LIMK2: variants seen among roughly 807,000 people sequenced by gnomAD.
LIMK2 encodes the protein LIM domain kinase 2.
Under a neutral mutation model 75.7 loss-of-function variants are expected in LIMK2, and 35 were observed. That is an observed-to-expected ratio of 0.46 (90% CI 0.35 to 0.61). The LOEUF (loss-of-function observed/expected upper bound fraction) is 0.61, where lower values mean the gene tolerates loss of function less well. Ranked by LOEUF, LIMK2 falls within the 20% of genes least tolerant of loss-of-function variation. The probability of loss-of-function intolerance (pLI) is 0.00; values close to 1 mark genes in which losing one functional copy is unlikely to be tolerated. For synonymous variants in LIMK2, 301 were observed against 319.2 expected (o/e 0.94, Z 0.61); for missense variants, 623 against 831.0 (o/e 0.75, Z 3.08).
At chr22:31,268,916 ATAG>A (rs1315731393) in intron 11 of LIMK2, among the ~76,000 whole-genome samples, 1 of 152,200 alleles carries the variant, frequency 6.6e-6, no homozygotes, top group African/African-American at 2.4e-5. Flanking sequence ...GTCCATGAAA[ATAG>A]TAGTAGTCTG....
chr22:31,223,434 G>A (rs185657064), intron 1 of LIMK2, among the ~76,000 whole-genome samples: 49 of 152,240 alleles, frequency 3.2e-4, no homozygotes, highest in Non-Finnish European at 4.6e-4. Flanking sequence ...GGGTGGTCAG[G>A]TTACAGACTT....
chr22:31,220,701 G>A (rs2048426096), intron 1 of LIMK2, among the ~76,000 whole-genome samples: 1 of 152,224 alleles, frequency 6.6e-6, no homozygotes, highest in South Asian at 2.1e-4. Context: ...AGTGGCTCAC[G>A]CCTGTAATCC....
Position 31,258,401 on chromosome 22 carries a change from C to T in LIMK2, c.227C>T (p.Ser76Phe). ...GKFGEFCHGC[S>F]LLMTGPFMVA... ...TTTGGGGAGTTCTGTCATGGGTGCTCCCTGCTGATGACAGGGCCTTTTATG... is the reference window on the plus strand; with the variant it reads ...TTTGGGGAGTTCTGTCATGGGTGCTTCCTGCTGATGACAGGGCCTTTTATG... The change falls in exon 3 of 16, where the codon TCC becomes TTC. Residue 76 changes from serine to phenylalanine, a missense_variant. This residue lies in a region of LIMK2 where 514 missense variants were observed against 661.3 expected (regional missense o/e 0.78). Coordinates refer to ENST00000331728, the MANE Select transcript of LIMK2 (RefSeq NM_005569.4). 1.2e-6 allele frequency: 2 copies of T among 1,614,082 alleles called. No individual in the cohort carries two copies. Among genetic ancestry groups the T allele is most frequent in the East Asian group, 2.2e-5 (1 of 44,880 alleles).
chr22:31,248,142 C>T lies in LIMK2; in HGVS notation c.117-10149C>T, dbSNP rs116020886. Among the ~76,000 whole-genome samples, 166 of 152,136 alleles carry T rather than the reference C, an allele frequency of 1.1e-3. 1 individual carries two copies. The highest frequency in any genetic ancestry group is 3.8e-3 in the African/African-American group (159 of 41,476). ...GGGGCCAGATATGTTCACACTCTAT[C>T]CTGCCTTGCCCTTCCCTGAGCTCAG... On this transcript the variant is annotated intron_variant, in intron 2 of 15. Transcript: ENST00000331728.
intron 11 of LIMK2, 45 bp from the exon 12 acceptor site, chr22:31,271,091 G>A (rs2048951760): frequency 6.4e-7 from 1 of 1,558,088 alleles, no homozygotes; most frequent in South Asian, 1.1e-5. Context: ...TCAGGGTCTA[G>A]TTGATTTGCT....
chr22:31,273,628 G>A (rs2048981272), intron 14 of LIMK2, 121 bp downstream of exon 14: 3 of 761,880 alleles, frequency 3.9e-6, no homozygotes, highest in Non-Finnish European at 4.6e-6. Context: ...TGGGTGTAGG[G>A]TTTTATGGTT....
At chr22:31,213,592 G>A (rs1400520366) in intron 1 of LIMK2, among the ~76,000 whole-genome samples, 1 of 152,150 alleles carries the variant, frequency 6.6e-6, no homozygotes, top group African/African-American at 2.4e-5. Flanking sequence ...GAGAGAGCTA[G>A]GGGTGGAAAT....
chr22:31,239,882 G>A (rs945488360), intron 2 of LIMK2, among the ~76,000 whole-genome samples: 10 of 151,328 alleles, frequency 6.6e-5, no homozygotes, highest in East Asian at 1.9e-4. Context: ...CCATCTCTTC[G>A]CTCTACAATA....
At chr22:31,268,262 G>A in intron 11 of LIMK2, 62 bp downstream of exon 11, 1 of 1,379,232 alleles carries the variant, frequency 7.3e-7, no homozygotes, top group Non-Finnish European at 1.0e-6. Context: ...AGAATTGTGG[G>A]CTTCACTGGA....
intron 7 of LIMK2, among the ~76,000 whole-genome samples, chr22:31,265,537 CA>C (rs777523692): frequency 3.3e-4 from 46 of 137,342 alleles, no homozygotes; most frequent in Middle Eastern, 3.6e-3. Flanking sequence ...GACTCTGTCT[CA>C]AAAAAAAAAA....
intron 13 of LIMK2, chr22:31,273,016 G>C (rs2048975445): frequency 6.1e-6 from 7 of 1,155,938 alleles, no homozygotes; most frequent in Non-Finnish European, 7.5e-6. Flanking sequence ...ACTGAAGTGT[G>C]GTGCCCTCTG....
chr22:31,274,536 G>A (rs546582961), intron 14 of LIMK2, among the ~76,000 whole-genome samples: 2 of 152,202 alleles, frequency 1.3e-5, no homozygotes, highest in African/African-American at 4.8e-5. Context: ...AAGTAGCTGG[G>A]ACTACAGGTG....
chr22:31,253,958 A>G (rs2048751578), intron 2 of LIMK2, among the ~76,000 whole-genome samples: 1 of 152,216 alleles, frequency 6.6e-6, no homozygotes, highest in Admixed American at 6.5e-5. Flanking sequence ...GTGGCAAAAC[A>G]CAGCTTAGGG....
chr22:31,250,264 C>A (rs1285949725), intron 2 of LIMK2, among the ~76,000 whole-genome samples: 1 of 152,180 alleles, frequency 6.6e-6, no homozygotes, highest in Non-Finnish European at 1.5e-5. Flanking sequence ...TCATTAATTT[C>A]TCTTAATCCT....
intron 3 of LIMK2, 79 bp downstream of exon 3, chr22:31,258,505 AAT>A (rs1364134723): frequency 6.9e-7 from 1 of 1,459,312 alleles, no homozygotes; most frequent in Non-Finnish European, 9.5e-7. Flanking sequence ...GTGGCCTGTT[AAT>A]CTTTTAGTCT....
intron 2 of LIMK2, among the ~76,000 whole-genome samples, chr22:31,230,493 C>T (rs1412479408): frequency 6.6e-6 from 1 of 152,050 alleles, no homozygotes; most frequent in Admixed American, 6.6e-5. Flanking sequence ...TCTTGATGGC[C>T]CCAGCGTGGG....
chr22:31,273,636 G>C (rs2048981320), intron 14 of LIMK2, 129 bp downstream of exon 14: 4 of 717,446 alleles, frequency 5.6e-6, no homozygotes, highest in East Asian at 5.3e-5. Context: ...GGGTTTTATG[G>C]TTTATAACGC....
intron 1 of LIMK2, among the ~76,000 whole-genome samples, chr22:31,213,255 C>T (rs1233267180): frequency 6.6e-6 from 1 of 152,132 alleles, no homozygotes; most frequent in Non-Finnish European, 1.5e-5. Flanking sequence ...GCAGTCACCT[C>T]CCCGCCACCT....
intron 2 of LIMK2, among the ~76,000 whole-genome samples, chr22:31,236,515 G>C (rs2048576099): frequency 1.3e-5 from 2 of 149,370 alleles, no homozygotes; most frequent in African/African-American, 4.9e-5. Context: ...AGGCTGAGGC[G>C]AGAGGATTGC....
Sources: gnomAD v4.1 joint callset for allele counts (sites outside exome capture counted in the v4.1 genomes callset) on GRCh38, gnomAD v4.1.1 for gene constraint, gnomAD v4.1.1 regional missense constraint, MANE v1.5 for transcripts, NCBI Gene and HGNC (gene_info 2026-07-23, HGNC 2026-07-21) for gene names.